The following IL12RB1 variants were observed in gnomAD, a reference collection of about 807,000 sequenced individuals.
The protein encoded by IL12RB1 is interleukin 12 receptor subunit beta 1, also known as interleukin-12 receptor subunit beta-1.
In IL12RB1, 64 loss-of-function variants were observed where a neutral mutation model predicts 94.4. That is an observed-to-expected ratio of 0.68 (90% CI 0.55 to 0.83). The LOEUF is 0.83. Ranked by LOEUF, IL12RB1 falls within the 40% of genes least tolerant of loss-of-function variation. The probability of loss-of-function intolerance (pLI) is 0.00; values close to 1 mark genes in which losing one functional copy is unlikely to be tolerated. For synonymous variants in IL12RB1, 362 were observed against 355.5 expected, an observed-to-expected ratio of 1.02 and a Z score of -0.21; for missense variants, 814 against 855.6, an observed-to-expected ratio of 0.95 and a Z score of 0.61.
chr19:18,089,688 C>G (rs1235030294), upstream of IL12RB1, among the ~76,000 whole-genome samples: 1 of 151,652 alleles, frequency 6.6e-6, no homozygotes, highest in African/African-American at 2.4e-5. Context: ...AAGAAATATT[C>G]TTAGAGTCCA....
chr19:18,064,438 C>T lies in IL12RB1; in HGVS notation c.1484-428G>A, dbSNP rs1366618284. ...ACAGGTGTGAGCCACCAAGCCCAAC[C>T]TAAAATCTCTTCTCTTAATGCGCCC... On this transcript the variant is annotated intron_variant, in intron 12 of 16. Coordinates refer to ENST00000593993, the MANE Select transcript of IL12RB1 (RefSeq NM_005535.3). Among the ~76,000 whole-genome samples the T allele has an allele frequency of 2.7e-5, 4 of 150,242 alleles. No individual in the cohort carries two copies. In the Admixed American group the frequency reaches 2.7e-4, roughly 10 times the overall value.
At chr19:18,076,474 C>T in intron 5 of IL12RB1, 147 bp from the exon 6 acceptor site, 9 of 682,330 alleles carry the variant, frequency 1.3e-5, no homozygotes, top group Non-Finnish European at 2.4e-5. Context: ...GCAATCATGG[C>T]TTATTGAAGC....
chr19:18,066,732 G>A (rs755885113), intron 11 of IL12RB1, 35 bp from the exon 12 acceptor site: 25 of 1,585,032 alleles, frequency 1.6e-5, no homozygotes, highest in Admixed American at 8.4e-5. Flanking sequence ...TCAACACCAA[G>A]AATGCTGGTC....
intron 13 of IL12RB1, 69 bp downstream of exon 13, chr19:18,063,806 TA>T: frequency 6.9e-7 from 1 of 1,440,212 alleles, no homozygotes. Context: ...GCAGGGCTGC[TA>T]AGATCATTGT....
upstream of IL12RB1, among the ~76,000 whole-genome samples, chr19:18,087,672 C>T (rs918892425): frequency 2.6e-5 from 4 of 151,646 alleles, no homozygotes; most frequent in African/African-American, 9.7e-5. Flanking sequence ...TGCACCACCA[C>T]GCCCAGCTAA....
At chr19:18,097,936 G>A (rs2037123845) in intron 1 of IL12RB1, 1 of 896,646 alleles carries the variant, frequency 1.1e-6, no homozygotes, top group Non-Finnish European at 1.5e-6. Flanking sequence ...TAGGGAAACT[G>A]AGGCAGAGGG....
chr19:18,097,658 C>A, intron 1 of IL12RB1: 1 of 433,542 alleles, frequency 2.3e-6, no homozygotes, highest in Non-Finnish European at 3.6e-6. Flanking sequence ...GGGGCGGGGC[C>A]CTGTGGTCGG....
At position 18,073,475 on chromosome 19, in the gene IL12RB1, C is replaced by G. The variant is rs777076217; in HGVS notation, c.783+42G>C. ...CCGCCTAGGCTTTTGCCTCCTGCTC[C>G]CCATCCCAGGCCACCCCACAGCCCT... On this transcript the variant is annotated intron_variant, in intron 8 of 16. Coordinates refer to ENST00000593993, the MANE Select transcript of IL12RB1 (RefSeq NM_005535.3). The G allele has an allele frequency of 2.3e-5, 29 of 1,250,150 alleles. No individual in the cohort carries two copies. In the Admixed American group the frequency reaches 4.9e-4, roughly 21 times the overall value. 77.4% of individuals were successfully genotyped at this position (1,250,150 alleles called of 1,614,324 possible). A position where few individuals can be genotyped will look rare whatever the true frequency, so the allele number is the denominator to read the frequency against.
At chr19:18,087,007 C>T (rs1343347888), upstream of IL12RB1, 4 of 1,332,774 alleles carry the variant, frequency 3.0e-6, no homozygotes, top group Non-Finnish European at 4.1e-6. Context: ...GAAAGAGAAA[C>T]CCAGGAAGTC....
At chr19:18,061,315 C>A in intron 14 of IL12RB1, 118 bp from the exon 15 acceptor site, 2 of 591,530 alleles carry the variant, frequency 3.4e-6, no homozygotes, top group South Asian at 2.2e-5. Flanking sequence ...ACTGCAACCT[C>A]TGCCTCCTGG....
chr19:18,085,317 T>C (rs1357731229), intron 1 of IL12RB1, among the ~76,000 whole-genome samples: 1 of 151,750 alleles, frequency 6.6e-6, no homozygotes, highest in East Asian at 1.9e-4. Context: ...CATCTCTCTC[T>C]GTGATGACAC....
At chr19:18,081,645 A>C (rs2035907208) in intron 3 of IL12RB1, among the ~76,000 whole-genome samples, 1 of 151,504 alleles carries the variant, frequency 6.6e-6, no homozygotes, top group Non-Finnish European at 1.5e-5. Flanking sequence ...ACATGGTGAG[A>C]CTCTGTCTCT....
At chr19:18,083,337 G>T in intron 2 of IL12RB1, 95 bp downstream of exon 2, 2 of 1,158,998 alleles carry the variant, frequency 1.7e-6, no homozygotes, top group Non-Finnish European at 2.6e-6. Flanking sequence ...CTGGGTCTTT[G>T]GCCTGGTGGT....
At chr19:18,065,129 G>A (rs1386672757) in intron 12 of IL12RB1, among the ~76,000 whole-genome samples, 2 of 152,178 alleles carry the variant, frequency 1.3e-5, no homozygotes, top group Non-Finnish European at 2.9e-5. Flanking sequence ...TTCTGCTGCT[G>A]CTCTACACGG....
intron 1 of IL12RB1, among the ~76,000 whole-genome samples, chr19:18,084,976 C>A (rs1433090207): frequency 6.6e-6 from 1 of 152,162 alleles, no homozygotes; most frequent in African/African-American, 2.4e-5. Context: ...CAGGGCTGGC[C>A]CAGGCAAGCA....
upstream of IL12RB1, among the ~76,000 whole-genome samples, chr19:18,091,963 G>T (rs971291986): frequency 6.9e-6 from 1 of 145,294 alleles, no homozygotes; most frequent in Admixed American, 7.1e-5. Context: ...TATAACCTCC[G>T]CCTCCTGAGT....
upstream of IL12RB1, among the ~76,000 whole-genome samples, chr19:18,088,565 T>TAAAAA: frequency 7.7e-6 from 1 of 129,640 alleles, no homozygotes; most frequent in Non-Finnish European, 1.7e-5. Flanking sequence ...TCCTGTCTCT[T>TAAAAA]AAAAAAAAAA....
At position 18,063,078 on chromosome 19, in the gene IL12RB1, ATTTTTTTTTTTTTTTTTTT is replaced by A. The variant is rs67262412; in HGVS notation, c.1618+779_1618+797del. On this transcript the variant is annotated intron_variant, in intron 13 of 16. Transcript: ENST00000593993. Reference sequence around the variant, plus strand: ...TCTTTCTTCTCCTTCTTCTTCTTCTATTTTTTTTTTTTTTTTTTTTTTTTTTTTTTTTTTTGAGACAGGG... The same window carrying A: ...TCTTTCTTCTCCTTCTTCTTCTTCTATTTTTTTTTTTTTTTTGAGACAGGG... Among the ~76,000 whole-genome samples the A allele has an allele frequency of 5.4e-4, 28 of 51,466 alleles. No individual in the cohort carries two copies. In the South Asian group the frequency reaches 0.021, roughly 38 times the overall value. 33.8% of individuals were successfully genotyped at this position (51,466 alleles called of 152,430 possible).
rs1182042515 is a variant in IL12RB1, at chr19:18,080,866, C to T, written c.375G>A (p.Lys125=). The part of the protein sequence containing the change: ...VESWARNQTE[K]SPEVTLQLYN... ...AGAGCTGCAGGGTCACCTCAGGAGACTTCTCTGTCTGGTTCCTGGCCCAGG... is the reference window on the plus strand; with the variant it reads ...AGAGCTGCAGGGTCACCTCAGGAGATTTCTCTGTCTGGTTCCTGGCCCAGG... The change falls in exon 4 of 17, where the codon AAG becomes AAA. Residue 125 remains lysine, a synonymous_variant. Transcript: ENST00000593993. The T allele has an allele frequency of 1.9e-6, 3 of 1,612,266 alleles. No homozygotes were observed. The South Asian group carries it at 3.3e-5, about 18-fold the overall frequency.
Sources: allele counts gnomAD v4.1 joint callset (sites outside exome capture counted in the v4.1 genomes callset), GRCh38; gene constraint gnomAD v4.1.1; transcripts MANE v1.5; gene names NCBI Gene and HGNC (gene_info 2026-07-23, HGNC 2026-07-21).